DNAH3: variants seen among roughly 807,000 people sequenced by gnomAD.
The protein encoded by DNAH3 is axonemal beta dynein heavy chain 3.
DNAH3 carries 332 observed loss-of-function variants against 432.5 expected under a neutral mutation model. That is an observed-to-expected ratio of 0.77 (90% confidence interval 0.70 to 0.84). The LOEUF is 0.84. DNAH3 is among the 40% of genes least tolerant of loss of function. DNAH3 has a pLI of 0.00. For missense variants in DNAH3, 4,861 were observed against 5,114.0 expected, an observed-to-expected ratio of 0.95 and a Z score of 1.51; for synonymous variants, 1,956 against 1,900.2, an observed-to-expected ratio of 1.03 and a Z score of -0.76.
At chr16:21,143,642 C>T (rs7198998) in intron 3 of DNAH3, among the ~76,000 whole-genome samples, 68,684 of 152,008 alleles carry the variant, frequency 0.45, 15,819 homozygotes, top group East Asian at 0.69. Context: ...TGATCTTGAA[C>T]ATTTGGGCAT....
At chr16:21,066,074 C>T (rs1429972386) in intron 24 of DNAH3, among the ~76,000 whole-genome samples, 1 of 152,042 alleles carries the variant, frequency 6.6e-6, no homozygotes, top group Non-Finnish European at 1.5e-5. Context: ...TGATCCGCCC[C>T]CTCGGCCTCC....
chr16:20,945,724 T>C (rs2084016203), intron 57 of DNAH3, among the ~76,000 whole-genome samples: 1 of 152,194 alleles, frequency 6.6e-6, no homozygotes, highest in African/African-American at 2.4e-5. Context: ...TCTCTTAACC[T>C]TGTGATCCGA....
intron 22 of DNAH3, 116 bp from the exon 23 acceptor site, chr16:21,069,710 G>A: frequency 1.1e-6 from 1 of 921,790 alleles, no homozygotes; most frequent in Admixed American, 2.8e-5. Context: ...TCTGTCACTT[G>A]TTTAACAAAT....
intron 7 of DNAH3, among the ~76,000 whole-genome samples, chr16:21,132,607 T>C (rs1330595287): frequency 6.6e-6 from 1 of 152,222 alleles, no homozygotes; most frequent in Non-Finnish European, 1.5e-5. Flanking sequence ...GGATGAAGAC[T>C]GACAATATTG....
exon 8 of DNAH3, chr16:21,127,717 C>A (rs1450762073): frequency 1.2e-6 from 2 of 1,614,128 alleles, no homozygotes; most frequent in Non-Finnish European, 1.7e-6. Context: ...TGCCTCCAGG[C>A]AGTGTTTCTG....
chr16:21,097,404 C>G, exon 18 of DNAH3: 1 of 1,614,050 alleles, frequency 6.2e-7, no homozygotes, highest in Non-Finnish European at 8.5e-7. Flanking sequence ...CTGTCGACCA[C>G]AGCTGCTCAT....
intron 16 of DNAH3, among the ~76,000 whole-genome samples, chr16:21,100,979 A>C (rs576697576): frequency 6.6e-6 from 1 of 152,330 alleles, no homozygotes; most frequent in South Asian, 2.1e-4. Flanking sequence ...TAGTTTCCAA[A>C]GTACTTTCAT....
intron 43 of DNAH3, among the ~76,000 whole-genome samples, chr16:20,998,808 T>C (rs1281419463): frequency 6.6e-6 from 1 of 150,610 alleles, no homozygotes; most frequent in Non-Finnish European, 1.5e-5. Flanking sequence ...ATTGTTTGAA[T>C]GCCCAGTTTG....
intron 16 of DNAH3, among the ~76,000 whole-genome samples, chr16:21,102,465 G>T (rs994056089): frequency 6.6e-6 from 1 of 152,160 alleles, no homozygotes; most frequent in African/African-American, 2.4e-5. Context: ...GAAGGAAGCT[G>T]ATAGTTTTGG....
chr16:20,990,989 C>G (rs1307839964), intron 44 of DNAH3, among the ~76,000 whole-genome samples: 1 of 152,018 alleles, frequency 6.6e-6, no homozygotes, highest in African/African-American at 2.4e-5. Flanking sequence ...CCACTGCACT[C>G]CAGCCTGAGC....
At chr16:21,106,350 A>G (rs2091946086) in intron 15 of DNAH3, 140 bp downstream of exon 15, 1 of 723,438 alleles carries the variant, frequency 1.4e-6, no homozygotes, top group East Asian at 3.0e-5. Flanking sequence ...TAGTGGTAGA[A>G]TTCATATAAC....
chr16:21,140,635 T>A, exon 5 of DNAH3: 1 of 1,614,172 alleles, frequency 6.2e-7, no homozygotes, highest in Non-Finnish European at 8.5e-7. Flanking sequence ...TTGGTCTGCT[T>A]CCTGGGAACG....
At chr16:21,153,034 G>A (rs894328229) in intron 1 of DNAH3, among the ~76,000 whole-genome samples, 2 of 152,242 alleles carry the variant, frequency 1.3e-5, no homozygotes, top group Non-Finnish European at 2.9e-5. Context: ...CGGTGCAGGA[G>A]CCACTGGGTG....
intron 1 of DNAH3, 105 bp downstream of exon 2, chr16:21,150,185 A>G (rs1416527176): frequency 4.9e-6 from 2 of 406,480 alleles, no homozygotes; most frequent in Admixed American, 3.3e-5. Context: ...AGATCACACC[A>G]TTGCACTCCA....
intron 3 of DNAH3, among the ~76,000 whole-genome samples, chr16:21,142,656 T>TTC (rs2092735594): frequency 9.0e-6 from 1 of 111,476 alleles, no homozygotes; most frequent in Admixed American, 9.2e-5. Flanking sequence ...CAAAAATCCT[T>TTC]TTTTTTTTTT....
chr16:21,153,623 C>T (rs1338250522), intron 1 of DNAH3, among the ~76,000 whole-genome samples: 2 of 152,136 alleles, frequency 1.3e-5, no homozygotes, highest in African/African-American at 4.8e-5. Context: ...GCCTTAATAG[C>T]TGTAACACTC....
exon 25 of DNAH3, chr16:21,062,665 G>A (rs768318201): frequency 1.6e-5 from 26 of 1,613,230 alleles, no homozygotes; most frequent in East Asian, 2.2e-5. Context: ...GCAGCTCATC[G>A]TTTGATAGGA....
intron 51 of DNAH3, among the ~76,000 whole-genome samples, chr16:20,974,858 G>A (rs926749414): frequency 2.6e-5 from 4 of 151,328 alleles, no homozygotes; most frequent in African/African-American, 4.9e-5. Context: ...CACTCTTGCC[G>A]CCCAGGCTGG....
Position 20,976,762 on chromosome 16 carries a change from G to A in DNAH3, c.8077-1347C>T, listed in dbSNP as rs73534333. On this transcript the variant is annotated intron_variant, in intron 50 of 61. Transcript: ENST00000261383. ...TTATATAATAAAAAGAGGAAGCCAC[G>A]TGAGATCTGTCTCTTCCCACTGTGT... Among the ~76,000 whole-genome samples the A allele has an allele frequency of 2.3e-3, 346 of 152,314 alleles. 2 individuals carry two copies. Among genetic ancestry groups the A allele is most frequent in the African/African-American group, 7.6e-3 (314 of 41,578 alleles).
Sources: gnomAD v4.1 joint callset for allele counts (sites outside exome capture counted in the v4.1 genomes callset) on GRCh38, gnomAD v4.1.1 for gene constraint, MANE v1.5 for transcripts, NCBI Gene and HGNC (gene_info 2026-07-23, HGNC 2026-07-21) for gene names.